The following CFAP61 variants were observed in gnomAD, a reference collection of about 807,000 sequenced individuals.
The protein encoded by CFAP61 is cilia and flagella associated protein 61, also known as cilia- and flagella-associated protein 61.
A neutral mutation model predicts 135.6 loss-of-function variants in CFAP61; 107 were observed. The observed-to-expected ratio is 0.79, with a 90% CI of 0.67 to 0.93. The LOEUF (loss-of-function observed/expected upper bound fraction) is 0.93. Ranked by LOEUF, CFAP61 falls within the 40% of genes least tolerant of loss-of-function variation. The pLI is 0.00. For synonymous variants in CFAP61, 575 were observed against 578.5 expected (o/e 0.99, Z 0.09); for missense variants, 1,507 against 1,556.2 (o/e 0.97, Z 0.53).
chr20:20,196,484 A>G lies in CFAP61; in HGVS notation c.1591-86A>G, dbSNP rs1035239387. 1.7e-5 allele frequency: 17 copies of G among 1,000,764 alleles called. No individual in the cohort carries two copies. The African/African-American group carries it at 2.4e-4, about 14-fold the overall frequency. 62.0% of individuals were successfully genotyped at this position (1,000,764 alleles called of 1,614,324 possible). On this transcript the variant is annotated intron_variant, in intron 15 of 26. Transcript: ENST00000245957. ...ATACGTTTCTTACTATCATACCTAA[A>G]GTAATTTTTAAAAGATATTTATCAC...
intron 6 of CFAP61, among the ~76,000 whole-genome samples, chr20:20,090,479 C>G (rs1332376765): frequency 6.6e-6 from 1 of 152,022 alleles, no homozygotes; most frequent in Non-Finnish European, 1.5e-5. Context: ...ATCATGAGGT[C>G]AAGAGATAGA....
intron 9 of CFAP61, among the ~76,000 whole-genome samples, chr20:20,157,079 A>T (rs1405209983): frequency 1.3e-5 from 2 of 152,072 alleles, no homozygotes; most frequent in Non-Finnish European, 2.9e-5. Flanking sequence ...AAGATTAATT[A>T]TTGTAAGATT....
chr20:20,169,466 T>C lies in CFAP61; in HGVS notation c.1385+6T>C, dbSNP rs778084281. 3.1e-6 allele frequency: 5 copies of C among 1,600,200 alleles called. No homozygotes were observed. Among genetic ancestry groups the C allele is most frequent in the Admixed American group, 1.7e-5 (1 of 59,720 alleles). On this transcript the variant is annotated splice_donor_region_variant and intron_variant, in intron 13 of 26. Transcript: ENST00000245957. ...CACCGGGCTGGATTGCTCAAGTGAG[T>C]AGACACATGTTTGGCCACACAACAA... is the stretch of plus-strand genomic sequence containing the variant.
At chr20:20,191,260 G>T in intron 14 of CFAP61, 82 bp from the exon 15 acceptor site, 1 of 1,164,792 alleles carries the variant, frequency 8.6e-7, no homozygotes, top group Non-Finnish European at 1.3e-6. Context: ...TGTGAACGTG[G>T]TTAAGACCCA....
chr20:20,066,620 T>C (rs1225778623), intron 2 of CFAP61, among the ~76,000 whole-genome samples: 1 of 151,984 alleles, frequency 6.6e-6, no homozygotes, highest in African/African-American at 2.4e-5. Flanking sequence ...AAGTGGGAGT[T>C]GTACAATGAG....
At chr20:20,302,483 G>A (rs1417743761) in intron 25 of CFAP61, among the ~76,000 whole-genome samples, 1 of 152,072 alleles carries the variant, frequency 6.6e-6, no homozygotes, top group Admixed American at 6.6e-5. Context: ...CCAACATGGG[G>A]AAAACGCATC....
intron 16 of CFAP61, among the ~76,000 whole-genome samples, chr20:20,198,419 A>G (rs1363010045): frequency 6.6e-6 from 1 of 152,250 alleles, no homozygotes. Context: ...CATTTACCTC[A>G]ATAGTATGAA....
intron 11 of CFAP61, 150 bp from the exon 12 acceptor site, chr20:20,166,247 T>G: frequency 1.6e-6 from 1 of 610,740 alleles, no homozygotes; most frequent in South Asian, 2.1e-5. Context: ...TTGCGACTTA[T>G]GCACCCCATT....
chr20:20,304,530 C>T (rs564095961), intron 25 of CFAP61, among the ~76,000 whole-genome samples: 1 of 151,670 alleles, frequency 6.6e-6, no homozygotes, highest in Non-Finnish European at 1.5e-5. Flanking sequence ...TGTGCACACA[C>T]TCATGCACAC....
intron 6 of CFAP61, among the ~76,000 whole-genome samples, chr20:20,077,723 G>C (rs569292238): frequency 6.6e-6 from 1 of 152,304 alleles, no homozygotes; most frequent in South Asian, 2.1e-4. Flanking sequence ...GTCATAGGCG[G>C]ATTCAAAGAT....
Position 20,052,539 on chromosome 20 carries a change from G to C in CFAP61, c.-89G>C, listed in dbSNP as rs1190563583. On this transcript the variant is annotated 5_prime_UTR_variant, in exon 1 of 27. Transcript: ENST00000245957. ...ACCGTTTCCATGGTGACCAGGCTGC[G>C]CGTCCTCCTTGCGGCAGCGCGTGGA... 6.2e-7 allele frequency: 1 copy of C among 1,614,082 alleles called. No homozygotes were observed. The highest frequency in any genetic ancestry group is 2.2e-5 in the East Asian group (1 of 44,892).
chr20:20,106,125 A>G (rs1440884289), intron 8 of CFAP61, among the ~76,000 whole-genome samples: 2 of 150,042 alleles, frequency 1.3e-5, no homozygotes, highest in African/African-American at 4.9e-5. Flanking sequence ...AATAAATCAT[A>G]CCAGACCTAT....
chr20:20,200,562 T>C (rs1471686719), intron 17 of CFAP61: 1 of 293,742 alleles, frequency 3.4e-6, no homozygotes, highest in Non-Finnish European at 5.1e-6. Flanking sequence ...AATAACTTAA[T>C]TGGAAAACAT....
Position 20,199,919 on chromosome 20 carries a change from C to G in CFAP61, c.1932+17C>G, listed in dbSNP as rs780549378. The G allele has an allele frequency of 6.2e-7, 1 of 1,613,064 alleles. No homozygotes were observed. Among genetic ancestry groups the G allele is most frequent in the South Asian group, 1.1e-5 (1 of 91,072 alleles). On this transcript the variant is annotated intron_variant, in intron 17 of 26. Coordinates refer to ENST00000245957, the MANE Select transcript of CFAP61 (RefSeq NM_015585.4). ...AAGGATCCGGTGGGTAGCAGGGCGG[C>G]AGGCAGGGCGGCGCGGTGCCAGCTC...
intron 17 of CFAP61, among the ~76,000 whole-genome samples, chr20:20,209,070 C>T (rs1404463793): frequency 7.9e-5 from 12 of 152,136 alleles, no homozygotes; most frequent in Admixed American, 3.9e-4. Flanking sequence ...GGCATTTAAT[C>T]GGTGCTTGCC....
At chr20:20,233,938 AGTAGGAAATGCATTTTTC>A (rs1196432792) in intron 18 of CFAP61, among the ~76,000 whole-genome samples, 1 of 152,134 alleles carries the variant, frequency 6.6e-6, no homozygotes, top group East Asian at 1.9e-4. Context: ...ATTAAAGGTA[AGTAGGAAATGCATTTTTC>A]ATGATCACAC....
chr20:20,250,074 C>T (rs1014028473), intron 19 of CFAP61, among the ~76,000 whole-genome samples: 1 of 152,120 alleles, frequency 6.6e-6, no homozygotes, highest in Non-Finnish European at 1.5e-5. Flanking sequence ...TTCACAGAGC[C>T]CTTTCACAGG....
In CFAP61 at chr20:20,065,616, G is replaced by GAAAAAA. The variant is rs11445024; in HGVS notation, c.144-5229_144-5224dup. Among the ~76,000 whole-genome samples, 4 of 136,274 alleles carry GAAAAAA rather than the reference G, an allele frequency of 2.9e-5. No homozygotes were observed. In the East Asian group the frequency reaches 8.7e-4, roughly 30 times the overall value. 89.4% of individuals were successfully genotyped at this position (136,274 alleles called of 152,430 possible). A position where few individuals can be genotyped will look rare whatever the true frequency, so the allele number is the denominator to read the frequency against. On this transcript the variant is annotated intron_variant, in intron 2 of 26. Coordinates refer to ENST00000245957, the MANE Select transcript of CFAP61 (RefSeq NM_015585.4). ...TAATGACTTATTTTATAGACATTTT[G>GAAAAAA]AAAAAAAAAAAAAAGGTGGTTCTTT... is the stretch of plus-strand genomic sequence containing the variant.
chr20:20,132,475 A>G (rs1335373595), intron 8 of CFAP61, among the ~76,000 whole-genome samples: 1 of 152,132 alleles, frequency 6.6e-6, no homozygotes, highest in Non-Finnish European at 1.5e-5. Context: ...AGTCCATGGA[A>G]ATAGTGTGAA....
Sources: allele counts gnomAD v4.1 joint callset (sites outside exome capture counted in the v4.1 genomes callset), GRCh38; gene constraint gnomAD v4.1.1; transcripts MANE v1.5; gene names NCBI Gene and HGNC (gene_info 2026-07-23, HGNC 2026-07-21).